The following PIP5K1C variants were observed in gnomAD, a reference collection of about 807,000 sequenced individuals.
The protein encoded by PIP5K1C is phosphatidylinositol 4-phosphate 5-kinase type-1 gamma.
Under a neutral mutation model 80.1 loss-of-function variants are expected in PIP5K1C, and 45 were observed. The observed-to-expected ratio is 0.56, with a 90% CI of 0.44 to 0.72. The LOEUF (loss-of-function observed/expected upper bound fraction) is 0.72, where lower values mean the gene tolerates loss of function less well. Among genes scored for constraint, PIP5K1C ranks in the 30% least tolerant of loss-of-function variants. The probability of loss-of-function intolerance (pLI) is 0.00; values close to 1 mark genes in which losing one functional copy is unlikely to be tolerated. For missense variants in PIP5K1C, 753 were observed against 954.6 expected (o/e 0.79, Z 2.78); for synonymous variants, 498 against 420.1 (o/e 1.19, Z -2.27).
At chr19:3,699,537 G>A (rs774256148) in intron 1 of PIP5K1C, among the ~76,000 whole-genome samples, 3 of 152,204 alleles carry the variant, frequency 2.0e-5, no homozygotes, top group Admixed American at 6.5e-5. Flanking sequence ...AGGAGCAGAG[G>A]ATTTTGTGAA....
chr19:3,694,054 T>C (rs1382889975), intron 1 of PIP5K1C, among the ~76,000 whole-genome samples: 3 of 151,640 alleles, frequency 2.0e-5, no homozygotes, highest in Non-Finnish European at 4.4e-5. Context: ...CTACTAAAAA[T>C]ACAAAACATT....
In PIP5K1C at chr19:3,651,939, G is replaced by C; in HGVS notation, c.1014C>G (p.Ala338=). ...QHERERQAQG[A]QSTSDEKRPV... is the part of the protein sequence containing the mutation. ...GCCGCTTCTCATCTGAGGTGCTCTG[G>C]GCGCCCTGCGCCTGCCGCTCGCGCT... The change falls in exon 8 of 18, where the codon GCC becomes GCG. Residue 338 remains alanine, a synonymous_variant. Coordinates refer to ENST00000335312, the MANE Select transcript of PIP5K1C (RefSeq NM_012398.3). The C allele has an allele frequency of 1.9e-6, 3 of 1,612,912 alleles. No individual in the cohort carries two copies. The highest frequency in any genetic ancestry group is 2.5e-6 in the Non-Finnish European group (3 of 1,179,964).
At chr19:3,660,162 C>A (rs141811763) in intron 5 of PIP5K1C, among the ~76,000 whole-genome samples, 2 of 152,252 alleles carry the variant, frequency 1.3e-5, no homozygotes, top group South Asian at 4.1e-4. Context: ...AGGCAGATCA[C>A]GAGGTCAGGA....
intron 3 of PIP5K1C, 123 bp from the exon 4 acceptor site, chr19:3,662,124 C>G (rs1326900015): frequency 1.2e-5 from 15 of 1,244,680 alleles, no homozygotes; most frequent in Non-Finnish European, 1.7e-5. Context: ...CTGCCAACCC[C>G]CTCCTGGTGG....
chr19:3,664,822 C>G lies in PIP5K1C; in HGVS notation c.219G>C (p.Lys73Asn), dbSNP rs1025052908. ...AGCCAGCTAAGGGGAGCCGAGGAAC[C>G]TTCTTGTAGGTGGTTTCGCCGGATG... ...VDASGETTYK[K>N]TTSSTLKGAI... The change falls in exon 3 of 18, where the codon AAG becomes AAC. Residue 73 changes from lysine (K) to asparagine (N), a missense_variant and splice_region_variant. By Grantham distance (94) the Lys-to-Asn change is moderately conservative. Transcript: ENST00000335312. The G allele has an allele frequency of 6.2e-7, 1 of 1,612,496 alleles. No homozygotes were observed. The highest frequency in any genetic ancestry group is 8.5e-7 in the Non-Finnish European group (1 of 1,179,436).
intron 1 of PIP5K1C, among the ~76,000 whole-genome samples, chr19:3,687,985 G>C (rs2035817932): frequency 1.3e-5 from 2 of 152,210 alleles, no homozygotes; most frequent in Admixed American, 1.3e-4. Context: ...CAAGCTCCCG[G>C]GCGGGCCGGG....
At chr19:3,683,487 G>A (rs184598332) in intron 1 of PIP5K1C, among the ~76,000 whole-genome samples, 1 of 152,318 alleles carries the variant, frequency 6.6e-6, no homozygotes, top group Admixed American at 6.5e-5. Context: ...TGTGTGGCGG[G>A]GCCCGCACCA....
intron 12 of PIP5K1C, 70 bp downstream of exon 12, chr19:3,644,016 AC>A: frequency 1.9e-6 from 3 of 1,549,414 alleles, no homozygotes; most frequent in Non-Finnish European, 8.8e-7. Flanking sequence ...ATGAGGCGGC[AC>A]CCCACCCACG....
chr19:3,647,935 A>G (rs866933202), intron 9 of PIP5K1C, among the ~76,000 whole-genome samples: 2 of 152,254 alleles, frequency 1.3e-5, no homozygotes, highest in Non-Finnish European at 2.9e-5. Context: ...TGACAGAGCG[A>G]GACTTTGTCT....
chr19:3,651,477 G>A (rs2034446617), intron 8 of PIP5K1C, among the ~76,000 whole-genome samples: 1 of 152,194 alleles, frequency 6.6e-6, no homozygotes, highest in African/African-American at 2.4e-5. Context: ...CCACACCTTT[G>A]TGGCCCCTCT....
Position 3,648,763 on chromosome 19 carries a change from C to G in PIP5K1C, c.1128-55G>C. 6.6e-7 allele frequency: 1 copy of G among 1,509,262 alleles called. No individual in the cohort carries two copies. Among genetic ancestry groups the G allele is most frequent in the Non-Finnish European group, 9.2e-7 (1 of 1,086,708 alleles). 93.5% of individuals were successfully genotyped at this position (1,509,262 alleles called of 1,614,324 possible). On this transcript the variant is annotated intron_variant, in intron 8 of 17. Coordinates refer to ENST00000335312, the MANE Select transcript of PIP5K1C (RefSeq NM_012398.3). This position sits in a 1 kb window ranked among gnomAD's most constrained non-coding sequence, Gnocchi z 4.3. The stretch of plus-strand genomic sequence containing the variant: ...CATCCCGCAGAGCTGGGACTCGGGG[C>G]AGGCGGGGCTGGGGACTCCAGGGCT...
chr19:3,679,051 C>T (rs1600067969), intron 1 of PIP5K1C, among the ~76,000 whole-genome samples: 1 of 151,906 alleles, frequency 6.6e-6, no homozygotes, highest in African/African-American at 2.4e-5. Flanking sequence ...ATTGCAAGAC[C>T]CAGGCGGTAA....
At chr19:3,678,434 GGATGGAGAGATGGA>G (rs2035467889) in intron 1 of PIP5K1C, among the ~76,000 whole-genome samples, 1 of 132,962 alleles carries the variant, frequency 7.5e-6, no homozygotes, top group Non-Finnish European at 1.7e-5. Context: ...GAGGGATGGA[GGATGGAGAGATGGA>G]GGATGGAGGG....
At chr19:3,643,981 G>A in intron 12 of PIP5K1C, 106 bp downstream of exon 12, 1 of 1,349,306 alleles carries the variant, frequency 7.4e-7, no homozygotes, top group South Asian at 1.3e-5. Context: ...ATCCGGAGGG[G>A]GTGGCTGAGC....
At chr19:3,642,961 G>A in intron 13 of PIP5K1C, 22 bp from the exon 14 acceptor site, 1 of 1,613,218 alleles carries the variant, frequency 6.2e-7, no homozygotes. Context: ...CAGCAAACAC[G>A]TGACACCCAG....
At chr19:3,666,083 G>A (rs1360734682) in intron 2 of PIP5K1C, among the ~76,000 whole-genome samples, 12 of 152,068 alleles carry the variant, frequency 7.9e-5, no homozygotes, top group Non-Finnish European at 1.6e-4. Context: ...CTCCACCCGC[G>A]CCACCCTCCA....
At position 3,680,856 on chromosome 19, in the gene PIP5K1C, C is replaced by T. The variant is rs77583030; in HGVS notation, c.95-13503G>A. 9.6e-3 allele frequency among the ~76,000 whole-genome samples: 1,455 copies of T among 152,278 alleles called. 25 individuals carry two copies. Among genetic ancestry groups the T allele is most frequent in the African/African-American group, 0.033 (1,382 of 41,558 alleles). Reference sequence around the variant, plus strand: ...AATGGAGGTCTCACCAGGGGAGACTCTGCCCTCCAGGGCACACTGGTTGAT... The same window carrying T: ...AATGGAGGTCTCACCAGGGGAGACTTTGCCCTCCAGGGCACACTGGTTGAT... On this transcript the variant is annotated intron_variant, in intron 1 of 17. Transcript: ENST00000335312.
At chr19:3,693,584 G>A (rs1600097272) in intron 1 of PIP5K1C, among the ~76,000 whole-genome samples, 1 of 152,228 alleles carries the variant, frequency 6.6e-6, no homozygotes, top group African/African-American at 2.4e-5. Context: ...CAGGCGGCAG[G>A]CGGCAGGGAG....
intron 1 of PIP5K1C, among the ~76,000 whole-genome samples, chr19:3,695,742 T>G (rs2036083360): frequency 6.6e-6 from 1 of 151,250 alleles, no homozygotes; most frequent in African/African-American, 2.4e-5. Context: ...TTTTTTTTTT[T>G]TTTTTGAGAT....
Sources: gnomAD v4.1 joint callset for allele counts (sites outside exome capture counted in the v4.1 genomes callset) on GRCh38, gnomAD v4.1.1 for gene constraint, Gnocchi (gnomAD v3.1) non-coding constraint, MANE v1.5 for transcripts, NCBI Gene and HGNC (gene_info 2026-07-23, HGNC 2026-07-21) for gene names.